Variants in KRT82 observed in about 807,000 individuals in gnomAD.
The protein encoded by KRT82 is keratin 82, also known as keratin, type II cuticular Hb2.
Under a neutral mutation model 48.0 loss-of-function variants are expected in KRT82, and 44 were observed. The ratio of observed to expected loss-of-function variants is 0.92; its 90% CI spans 0.72 to 1.18. KRT82 has a LOEUF of 1.18. Among genes scored for constraint, KRT82 ranks in the 50% most tolerant of loss-of-function variants. The probability of loss-of-function intolerance (pLI) is 0.00; values close to 1 mark genes in which losing one functional copy is unlikely to be tolerated. For synonymous variants in KRT82, 297 were observed against 278.3 expected (o/e 1.07, Z -0.67); for missense variants, 701 against 671.4 (o/e 1.04, Z -0.49).
chr12:52,400,939 G>A (rs1164588061), intron 3 of KRT82, among the ~76,000 whole-genome samples: 2 of 152,200 alleles, frequency 1.3e-5, no homozygotes, highest in Non-Finnish European at 2.9e-5. Context: ...GTATTTGGGG[G>A]CTTGCGGCAG....
chr12:52,406,279 G>T lies in KRT82; in HGVS notation c.-2C>A, dbSNP rs772648113. 6.3e-7 allele frequency: 1 copy of T among 1,579,270 alleles called. No homozygotes were observed. The highest frequency in any genetic ancestry group is 8.6e-7 in the Non-Finnish European group (1 of 1,160,490). On this transcript the variant is annotated 5_prime_UTR_variant, in exon 1 of 9. Coordinates refer to ENST00000257974, the MANE Select transcript of KRT82 (RefSeq NM_033033.4). Reference sequence around the variant, plus strand: ...TGGCTGGAAAGAGTGGTACGACATGGCAGGAGAGAGAGGCAGAGAAATGCG... The same window carrying T: ...TGGCTGGAAAGAGTGGTACGACATGTCAGGAGAGAGAGGCAGAGAAATGCG...
intron 1 of KRT82, 29 bp downstream of exon 1, chr12:52,405,838 C>G: frequency 6.3e-7 from 1 of 1,580,426 alleles, no homozygotes; most frequent in Non-Finnish European, 8.6e-7. Flanking sequence ...AGTGGGTCCT[C>G]TCACGGCCCT....
chr12:52,397,073 A>C, intron 5 of KRT82, 65 bp from the exon 6 acceptor site: 2 of 1,580,258 alleles, frequency 1.3e-6, no homozygotes, highest in Non-Finnish European at 1.7e-6. Flanking sequence ...CTCTTTTCTC[A>C]CTGTTCCCAG....
intron 7 of KRT82, 81 bp from the exon 8 acceptor site, chr12:52,395,871 C>A: frequency 6.8e-7 from 1 of 1,468,378 alleles, no homozygotes; most frequent in Non-Finnish European, 9.3e-7. Flanking sequence ...CTCCCGCCCT[C>A]ATTGTGGACC....
At chr12:52,403,355 G>A (rs961528845) in intron 2 of KRT82, among the ~76,000 whole-genome samples, 5 of 152,226 alleles carry the variant, frequency 3.3e-5, no homozygotes, top group Admixed American at 2.6e-4. Flanking sequence ...CTGGGGATCT[G>A]TCTGTGGAAT....
rs750740979 is a variant in KRT82 at position 52,403,768 on chromosome 12, C to G, written c.553G>C (p.Gly185Arg). 1.7e-5 allele frequency: 28 copies of G among 1,613,452 alleles called. No individual in the cohort carries two copies. The highest frequency in any genetic ancestry group is 3.3e-4 in the Middle Eastern group (2 of 6,058). The stretch of plus-strand genomic sequence containing the variant: ...TCTGACTCTAGCCTCACGCGGTCCC[C>G]GGACACACAGTCCAGCTGCCGCCGA... The part of the protein sequence containing the change: ...ALRRQLDCVS[G>R]DRVRLESELC... Residue 185 changes from glycine to arginine, a missense_variant, in exon 2 of 9, where the codon GGG (glycine) becomes CGG (arginine). Gly to Arg is a moderately radical substitution (Grantham distance 125). Transcript: ENST00000257974.
Position 52,395,763 on chromosome 12 carries a change from A to G in KRT82, c.1317T>C (p.Asn439=). 2.6e-6 allele frequency: 4 copies of G among 1,556,164 alleles called. No homozygotes were observed. The highest frequency in any genetic ancestry group is 3.5e-6 in the Non-Finnish European group (4 of 1,155,798). ...HRLCEGIGPV[N]ISVSSSKGAF... ...GGGCATGGCTCATCTACTTACAGAT[A>G]TTCACGGGCCCGATGCCTTCGCACA... Residue 439 remains asparagine (N), a synonymous_variant, in exon 8 of 9, where the codon AAT becomes AAC. Coordinates refer to ENST00000257974, the MANE Select transcript of KRT82 (RefSeq NM_033033.4).
At chr12:52,400,417 C>T (rs1409810774) in intron 4 of KRT82, 110 bp downstream of exon 4, 10 of 864,310 alleles carry the variant, frequency 1.2e-5, no homozygotes, top group African/African-American at 4.9e-5. Flanking sequence ...ACAGTGCGGA[C>T]CTCTTTCCAT....
At chr12:52,404,715 A>G (rs1201203708) in intron 1 of KRT82, among the ~76,000 whole-genome samples, 1 of 152,230 alleles carries the variant, frequency 6.6e-6, no homozygotes, top group Non-Finnish European at 1.5e-5. Flanking sequence ...AGGTGGTGTG[A>G]TGTTGTTGCT....
In KRT82 at chr12:52,399,971, C is replaced by A; in HGVS notation, c.942+14G>T. 6.2e-7 allele frequency: 1 copy of A among 1,610,416 alleles called. No individual in the cohort carries two copies. The highest frequency in any genetic ancestry group is 8.5e-7 in the Non-Finnish European group (1 of 1,177,046). On this transcript the variant is annotated intron_variant, in intron 5 of 8. Coordinates refer to ENST00000257974, the MANE Select transcript of KRT82 (RefSeq NM_033033.4). ...ACCTCTCCAGTCTCCCTGCCCCCAA[C>A]CACAGGGCCTCACCCGGCACTGGTA...
rs1939774254 is a variant in KRT82 at position 52,400,517 on chromosome 12, C to T, written c.777+10G>A. ...CCTGACTAACCACCCAAGGTCAGGG[C>T]TGTGGGTACCTCCTCATACAGGCTT... On this transcript the variant is annotated intron_variant, in intron 4 of 8. Coordinates refer to ENST00000257974, the MANE Select transcript of KRT82 (RefSeq NM_033033.4). The T allele has an allele frequency of 6.2e-7, 1 of 1,608,954 alleles. No individual in the cohort carries two copies. The highest frequency in any genetic ancestry group is 1.1e-5 in the South Asian group (1 of 90,988).
Position 52,400,628 on chromosome 12 carries a change from G to A in KRT82, c.682-6C>T, listed in dbSNP as rs1939776824. On this transcript the variant is annotated splice_region_variant and splice_polypyrimidine_tract_variant and intron_variant, in intron 3 of 8. Coordinates refer to ENST00000257974, the MANE Select transcript of KRT82 (RefSeq NM_033033.4). ...AGGAAGGCTGTGTCCACGTCCTGCAGCAGAGCAGGGACAGAATGTGACCTG... is the reference window on the plus strand; with the variant it reads ...AGGAAGGCTGTGTCCACGTCCTGCAACAGAGCAGGGACAGAATGTGACCTG... 1.9e-6 allele frequency: 3 copies of A among 1,606,118 alleles called. No homozygotes were observed. Among genetic ancestry groups the A allele is most frequent in the East Asian group, 2.2e-5 (1 of 44,822 alleles).
intron 6 of KRT82, 87 bp from the exon 7 acceptor site, chr12:52,396,319 CT>C: frequency 7.9e-7 from 1 of 1,270,980 alleles, no homozygotes; most frequent in Non-Finnish European, 1.1e-6. Context: ...ACGGGGGTGG[CT>C]ACGTGCCAGG....
Position 52,395,038 on chromosome 12 carries a change from C to G in KRT82, c.1479G>C (p.Gly493=). ...PCEPQGLLSC[G]SGRKSSMTLG... ...GCGTCATGCTGGATTTCCGCCCGCT[C>G]CCACAGCTCAGTAGCCCCTGGGGCT... The change falls in exon 9 of 9, where the codon GGG becomes GGC. Residue 493 remains glycine (G), a synonymous_variant. Transcript: ENST00000257974. The G allele has an allele frequency of 6.2e-7, 1 of 1,613,962 alleles. No individual in the cohort carries two copies. The highest frequency in any genetic ancestry group is 8.5e-7 in the Non-Finnish European group (1 of 1,179,984).
chr12:52,395,977 T>C (rs754264004), intron 7 of KRT82, 35 bp downstream of exon 7: 35 of 1,612,906 alleles, frequency 2.2e-5, no homozygotes, highest in Non-Finnish European at 2.8e-5. Context: ...CCATACCTGG[T>C]AGCCCATCTT....
chr12:52,399,886 AGC>A, intron 5 of KRT82, 97 bp downstream of exon 5: 1 of 1,248,982 alleles, frequency 8.0e-7, no homozygotes, highest in Non-Finnish European at 1.1e-6. Flanking sequence ...GGCTCTCATT[AGC>A]TCCTCACCCA....
chr12:52,399,032 A>G (rs1939751874), intron 5 of KRT82, among the ~76,000 whole-genome samples: 1 of 152,066 alleles, frequency 6.6e-6, no homozygotes, highest in African/African-American at 2.4e-5. Flanking sequence ...TTGTGACACA[A>G]TTTGTTCCCT....
intron 3 of KRT82, among the ~76,000 whole-genome samples, 160 bp downstream of exon 3, chr12:52,401,129 A>G (rs1939784701): frequency 1.3e-5 from 2 of 152,040 alleles, no homozygotes; most frequent in African/African-American, 2.4e-5. Context: ...GGCCTTCCTC[A>G]TTCTCAGAGT....
rs757473623 is a variant in KRT82 at position 52,406,243 on chromosome 12, C to T, written c.35G>A (p.Cys12Tyr). ...SYHSFQPGSR[C>Y]GSQSFSSYSA... ...GTATGAGCTGAAACTCTGACTGCCACACCTGGAGCCTGGCTGGAAAGAGTG... is the reference window on the plus strand; with the variant it reads ...GTATGAGCTGAAACTCTGACTGCCATACCTGGAGCCTGGCTGGAAAGAGTG... The change falls in exon 1 of 9, where the codon TGT (cysteine) becomes TAT (tyrosine). Residue 12 changes from cysteine to tyrosine, a missense_variant. Transcript: ENST00000257974. 37 of 1,604,968 alleles carry T rather than the reference C, an allele frequency of 2.3e-5. No individual in the cohort carries two copies. The highest frequency in any genetic ancestry group is 5.4e-5 in the African/African-American group (4 of 74,754).
Sources: allele counts gnomAD v4.1 joint callset (sites outside exome capture counted in the v4.1 genomes callset), GRCh38; gene constraint gnomAD v4.1.1; transcripts MANE v1.5; gene names NCBI Gene and HGNC (gene_info 2026-07-23, HGNC 2026-07-21).